Variants in WDR27 observed in about 807,000 individuals in gnomAD.
The protein encoded by WDR27 is WD repeat-containing protein 27.
A neutral mutation model predicts 114.4 loss-of-function variants in WDR27; 100 were observed. The observed-to-expected ratio is 0.87, with a 90% CI of 0.74 to 1.03. WDR27 has a LOEUF of 1.03. WDR27 is among the 50% of genes least tolerant of loss of function. WDR27 has a pLI of 0.00. For synonymous variants in WDR27, 449 were observed against 423.1 expected, an observed-to-expected ratio of 1.06 and a Z score of -0.75; for missense variants, 1,129 against 1,092.9, an observed-to-expected ratio of 1.03 and a Z score of -0.47.
intron 23 of WDR27, among the ~76,000 whole-genome samples, chr6:169,586,364 C>A (rs938029026): frequency 6.6e-6 from 1 of 152,132 alleles, no homozygotes; most frequent in Admixed American, 6.5e-5. Context: ...GCAATCTTTC[C>A]AGATTTTCAT....
At chr6:169,496,142 A>ATG (rs1790374716) in intron 25 of WDR27, among the ~76,000 whole-genome samples, 1 of 152,144 alleles carries the variant, frequency 6.6e-6, no homozygotes, top group Non-Finnish European at 1.5e-5. Flanking sequence ...AGTATACCAC[A>ATG]TTAACAGAAT....
chr6:169,522,555 A>G (rs1331619611), intron 25 of WDR27, among the ~76,000 whole-genome samples: 1 of 152,052 alleles, frequency 6.6e-6, no homozygotes, highest in African/African-American at 2.4e-5. Context: ...TACAGAACAG[A>G]TCATATCATA....
intron 25 of WDR27, among the ~76,000 whole-genome samples, chr6:169,484,655 C>T (rs117059713): frequency 0.013 from 1,988 of 152,196 alleles, 42 homozygotes; most frequent in African/African-American, 0.041. Flanking sequence ...ATTCTTCACA[C>T]AACTGGAAAA....
intron 21 of WDR27, among the ~76,000 whole-genome samples, chr6:169,623,242 T>G (rs1813795699): frequency 6.6e-6 from 1 of 152,074 alleles, no homozygotes; most frequent in Admixed American, 6.5e-5. Context: ...CAGCTTTGAC[T>G]CCTGATGATT....
At chr6:169,490,114 C>T (rs1789551988) in intron 25 of WDR27, among the ~76,000 whole-genome samples, 1 of 152,204 alleles carries the variant, frequency 6.6e-6, no homozygotes, top group Admixed American at 6.5e-5. Flanking sequence ...CTTGTCACCA[C>T]TAAAGGGTCC....
At chr6:169,451,671 A>G in the WDR27 span, among the ~76,000 whole-genome samples, 1 of 152,218 alleles carries the variant, frequency 6.6e-6, no homozygotes, top group Non-Finnish European at 1.5e-5. Context: ...ACTGAACCAC[A>G]TCCTTGTCAA....
chr6:169,549,263 A>C (rs975323473), intron 25 of WDR27, among the ~76,000 whole-genome samples: 4 of 152,270 alleles, frequency 2.6e-5, no homozygotes, highest in Non-Finnish European at 5.9e-5. Flanking sequence ...ATGGCAAATA[A>C]GCATATAAAA....
At chr6:169,626,364 G>A (rs1814828508) in intron 21 of WDR27, among the ~76,000 whole-genome samples, 1 of 152,158 alleles carries the variant, frequency 6.6e-6, no homozygotes, top group African/African-American at 2.4e-5. Flanking sequence ...CCAGCCAAGG[G>A]GGGTTGCATT....
chr6:169,543,067 G>A (rs983879656), intron 25 of WDR27, among the ~76,000 whole-genome samples: 4 of 151,494 alleles, frequency 2.6e-5, no homozygotes, highest in African/African-American at 4.8e-5. Context: ...TGAGAAGGAA[G>A]GAATATGAAT....
chr6:169,429,156 C>A, the WDR27 span, among the ~76,000 whole-genome samples: 1 of 152,198 alleles, frequency 6.6e-6, no homozygotes, highest in African/African-American at 2.4e-5. Flanking sequence ...GGCTCGTGTT[C>A]TCTGTGGCCG....
chr6:169,566,191 A>T (rs1475020173), intron 25 of WDR27, among the ~76,000 whole-genome samples: 1 of 152,110 alleles, frequency 6.6e-6, no homozygotes, highest in South Asian at 2.1e-4. Context: ...TAAGAAATAA[A>T]ACATTTTGTA....
chr6:169,635,701 C>T (rs1817519187), intron 19 of WDR27, among the ~76,000 whole-genome samples: 1 of 152,210 alleles, frequency 6.6e-6, no homozygotes, highest in African/African-American at 2.4e-5. Flanking sequence ...CCATTCCGAG[C>T]GCAGGGCACC....
intron 23 of WDR27, among the ~76,000 whole-genome samples, chr6:169,597,881 C>T (rs78708682): frequency 2.9e-5 from 2 of 69,756 alleles, no homozygotes; most frequent in East Asian, 4.2e-4. Context: ...CATTCATACA[C>T]ACACACACAC....
intron 21 of WDR27, among the ~76,000 whole-genome samples, chr6:169,624,517 T>C (rs1584684938): frequency 6.6e-6 from 1 of 152,086 alleles, no homozygotes; most frequent in African/African-American, 2.4e-5. Flanking sequence ...TGTGCCCTGG[T>C]GCCATCCCCG....
chr6:169,562,920 C>T (rs1032677158), intron 25 of WDR27, among the ~76,000 whole-genome samples: 18 of 152,076 alleles, frequency 1.2e-4, no homozygotes, highest in African/African-American at 4.3e-4. Context: ...GAGGCCACAG[C>T]CCGGGAAGGA....
intron 21 of WDR27, among the ~76,000 whole-genome samples, chr6:169,631,418 T>A (rs1027618890): frequency 2.1e-5 from 3 of 145,212 alleles, no homozygotes; most frequent in Non-Finnish European, 3.0e-5. Context: ...ATGAACTGGG[T>A]GGTGGGGTGG....
At chr6:169,483,334 T>G (rs2997878) in intron 25 of WDR27, among the ~76,000 whole-genome samples, 122,690 of 152,104 alleles carry the variant, frequency 0.81, 50,331 homozygotes, top group African/African-American at 0.86. Flanking sequence ...AATGATAAGT[T>G]GGATGTTACC....
intron 8 of WDR27, among the ~76,000 whole-genome samples, chr6:169,662,868 C>T (rs1335811771): frequency 7.6e-6 from 1 of 131,772 alleles, no homozygotes; most frequent in African/African-American, 3.0e-5. Context: ...CCGCGGAGTA[C>T]TCAGATCACG....
chr6:169,694,144 C>T (rs1240100031), intron 1 of WDR27, among the ~76,000 whole-genome samples: 1 of 152,040 alleles, frequency 6.6e-6, no homozygotes, highest in Admixed American at 6.5e-5. Flanking sequence ...CCCCTCTCTA[C>T]TAAAAATACA....
Sources: allele counts gnomAD v4.1 joint callset (sites outside exome capture counted in the v4.1 genomes callset), GRCh38; gene constraint gnomAD v4.1.1; transcripts MANE v1.5; gene names NCBI Gene and HGNC (gene_info 2026-07-23, HGNC 2026-07-21).